The following NT5C1B variants were observed in gnomAD, a reference collection of about 807,000 sequenced individuals.
NT5C1B encodes 5'-nucleotidase, cytosolic IB, also known as cytosolic 5'-nucleotidase 1B.
NT5C1B carries 44 observed loss-of-function variants against 57.8 expected under a neutral mutation model. The ratio of observed to expected loss-of-function variants is 0.76; its 90% CI spans 0.60 to 0.98. The LOEUF is 0.98. Ranked by LOEUF, NT5C1B falls within the 50% of genes least tolerant of loss-of-function variation. The pLI, the probability that NT5C1B is intolerant of heterozygous loss-of-function variation, is 0.00. For synonymous variants in NT5C1B, 284 were observed against 282.6 expected (o/e 1.00, Z -0.05); for missense variants, 742 against 719.5 (o/e 1.03, Z -0.36).
intron 1 of NT5C1B, 91 bp from the exon 2 acceptor site, chr2:18,587,683 A>G: frequency 1.4e-6 from 2 of 1,415,070 alleles, no homozygotes; most frequent in South Asian, 1.4e-5. Context: ...AGAAAACACA[A>G]AATTTATTTA....
exon 6 of NT5C1B, chr2:18,582,923 C>A: frequency 1.9e-6 from 3 of 1,614,006 alleles, no homozygotes; most frequent in Non-Finnish European, 1.7e-6. Context: ...GGTTATTAGT[C>A]ATCAGTACAA....
In NT5C1B at chr2:18,566,655, C is replaced by T. The variant is rs547137292; in HGVS notation, c.1330-2536G>A. On this transcript the variant is annotated intron_variant, in intron 8 of 8. Coordinates refer to ENST00000304081, the Ensembl canonical transcript of NT5C1B. ...CACCACATTCAAACCAAGTACCCAT[C>T]TCATTCTCTTTTACTTCTATATTGG... Among the ~76,000 whole-genome samples the T allele has an allele frequency of 3.2e-4, 48 of 152,278 alleles. No individual in the cohort carries two copies. The South Asian group carries it at 9.5e-3, about 30-fold the overall frequency.
At chr2:18,569,610 G>C (rs1174969644) in intron 8 of NT5C1B, among the ~76,000 whole-genome samples, 2 of 151,972 alleles carry the variant, frequency 1.3e-5, no homozygotes, top group Non-Finnish European at 2.9e-5. Context: ...ATGAGTATCA[G>C]ATGAATATTA....
At chr2:18,589,194 A>G (rs1666981240) in intron 1 of NT5C1B, among the ~76,000 whole-genome samples, 1 of 152,232 alleles carries the variant, frequency 6.6e-6, no homozygotes, top group African/African-American at 2.4e-5. Context: ...ACTTATTGGA[A>G]TCATTTATAT....
chr2:18,573,755 C>T (rs1438360219), intron 8 of NT5C1B, among the ~76,000 whole-genome samples: 1 of 152,140 alleles, frequency 6.6e-6, no homozygotes, highest in Non-Finnish European at 1.5e-5. Context: ...TCTTTCTCAT[C>T]AGTGGAACAC....
intron 2 of NT5C1B, chr2:18,586,809 T>C: frequency 9.5e-7 from 1 of 1,052,824 alleles, no homozygotes; most frequent in Non-Finnish European, 1.3e-6. Context: ...CCCACTGAGG[T>C]TGCAGGGGGA....
At chr2:18,586,721 G>A (rs1347094408) in intron 2 of NT5C1B, 10 of 594,904 alleles carry the variant, frequency 1.7e-5, no homozygotes, top group Non-Finnish European at 2.9e-5. Context: ...CTTCCCTCGA[G>A]GATAAGCCTG....
chr2:18,587,392 T>C (rs548598574), intron 2 of NT5C1B, 111 bp downstream of exon 2: 41 of 1,540,868 alleles, frequency 2.7e-5, no homozygotes, highest in Middle Eastern at 1.7e-4. Flanking sequence ...GACGCCTTAA[T>C]ACAATTCTCA....
chr2:18,584,627 G>C lies in NT5C1B; in HGVS notation c.610C>G (p.Leu204Val), dbSNP rs752681908. The C allele has an allele frequency of 9.9e-6, 16 of 1,613,080 alleles. No homozygotes were observed. The South Asian group carries it at 1.8e-4, about 18-fold the overall frequency. Residue 204 changes from leucine to valine, a missense_variant, in exon 4 of 9, where the codon CTG becomes GTG. Physicochemically the swap from Leu to Val is conservative, Grantham distance 32 (BLOSUM62 1). Transcript: ENST00000304081. This position sits in a 1 kb window ranked among gnomAD's most constrained non-coding sequence, Gnocchi z 5.8. ...CGCTGCTGCTGCTGCTGCTCGGACA[G>C]AGAGTTGCGGTCCAGCTGGGTGGAG...
chr2:18,568,087 G>GGGACAC (rs1553326325), intron 8 of NT5C1B, among the ~76,000 whole-genome samples: 1 of 142,598 alleles, frequency 7.0e-6, no homozygotes, highest in Non-Finnish European at 1.5e-5. Flanking sequence ...AATGCTGTGG[G>GGGACAC]ACACACACAC....
intron 8 of NT5C1B, among the ~76,000 whole-genome samples, chr2:18,567,376 C>T (rs1301176612): frequency 1.3e-5 from 2 of 152,162 alleles, no homozygotes; most frequent in African/African-American, 4.8e-5. Flanking sequence ...AAGAGACTAT[C>T]AAGGATTGGT....
chr2:18,587,213 A>G (rs758746936), intron 2 of NT5C1B: 4 of 1,580,714 alleles, frequency 2.5e-6, no homozygotes, highest in African/African-American at 1.3e-5. Context: ...CCATGGCCAG[A>G]CCCCCTCCCC....
chr2:18,587,437 C>G (rs878992173), intron 2 of NT5C1B, 66 bp downstream of exon 2: 3 of 1,594,122 alleles, frequency 1.9e-6, no homozygotes, highest in Admixed American at 1.8e-5. Context: ...CTCCCTGCCC[C>G]CTAACATTTT....
intron 2 of NT5C1B, chr2:18,586,894 C>T (rs753542676): frequency 1.6e-5 from 25 of 1,564,180 alleles, no homozygotes; most frequent in Middle Eastern, 1.7e-4. Context: ...AAGGACCCCC[C>T]GGAACAGCAA....
chr2:18,572,949 G>A lies in NT5C1B; in HGVS notation c.1329+3235C>T, dbSNP rs114221368. Among the ~76,000 whole-genome samples, 1,104 of 152,144 alleles carry A rather than the reference G, an allele frequency of 7.3e-3. 16 individuals carry two copies. The highest frequency in any genetic ancestry group is 0.025 in the African/African-American group (1,042 of 41,474). On this transcript the variant is annotated intron_variant, in intron 8 of 8. Transcript: ENST00000304081. ...CATGACCTAGCAATTCCACTTCTAG[G>A]TATTTAAAAATGAAATGAAATCTTA...
chr2:18,563,809 T>G, exon 9 of NT5C1B: 1 of 1,555,284 alleles, frequency 6.4e-7, no homozygotes. Context: ...ACTACTGAAT[T>G]TTTTATTAAA....
At chr2:18,581,673 C>T (rs1047445623) in intron 6 of NT5C1B, among the ~76,000 whole-genome samples, 1 of 152,238 alleles carries the variant, frequency 6.6e-6, no homozygotes, top group African/African-American at 2.4e-5. Context: ...ATATGAATTT[C>T]ATCACCCAGA....
chr2:18,589,425 C>G lies in NT5C1B; in HGVS notation c.30+14G>C, dbSNP rs1378277010. 1.2e-6 allele frequency: 2 copies of G among 1,614,000 alleles called. No individual in the cohort carries two copies. Among genetic ancestry groups the G allele is most frequent in the African/African-American group, 1.3e-5 (1 of 74,950 alleles). ...AGCCCCATGGCAAGATTCTAAGACA[C>G]TCGGTTCACTCACCTTTTTCTGTTT... On this transcript the variant is annotated intron_variant, in intron 1 of 8. Coordinates refer to ENST00000304081, the Ensembl canonical transcript of NT5C1B.
At chr2:18,576,344 T>C in exon 8 of NT5C1B, 1 of 1,613,056 alleles carries the variant, frequency 6.2e-7, no homozygotes, top group Non-Finnish European at 8.5e-7. Flanking sequence ...TTTGGCTCCA[T>C]CAAACATTGT....
Sources: allele counts gnomAD v4.1 joint callset (sites outside exome capture counted in the v4.1 genomes callset), GRCh38; gene constraint gnomAD v4.1.1; non-coding constraint Gnocchi (gnomAD v3.1); transcripts MANE v1.5; gene names NCBI Gene and HGNC (gene_info 2026-07-23, HGNC 2026-07-21).